The following PHLPP1 variants were observed in gnomAD, a reference collection of about 807,000 sequenced individuals.
PHLPP1 encodes PH domain leucine-rich repeat-containing protein phosphatase 1.
Under a neutral mutation model 117.2 loss-of-function variants are expected in PHLPP1, and 42 were observed. That is an observed-to-expected ratio of 0.36 (90% CI 0.28 to 0.46). The LOEUF is 0.46. Ranked by LOEUF, PHLPP1 falls within the 20% of genes least tolerant of loss-of-function variation. The pLI is 1.00. For synonymous variants in PHLPP1, 1,042 were observed against 970.7 expected (o/e 1.07, Z -1.37); for missense variants, 2,084 against 2,241.9 (o/e 0.93, Z 1.42).
In PHLPP1 at chr18:62,907,468, G is replaced by A. The variant is rs1599114372; in HGVS notation, c.2708+2184G>A. ...ATACAGAGAAGTGCTTAAAGGAGCT[G>A]ATGGAGCTGAAAACCAAGGCTCGAG... On this transcript the variant is annotated intron_variant, in intron 8 of 16. Coordinates refer to ENST00000262719, the MANE Select transcript of PHLPP1 (RefSeq NM_194449.4). 5.3e-5 allele frequency among the ~76,000 whole-genome samples: 4 copies of A among 76,098 alleles called. No individual in the cohort carries two copies. The East Asian group carries it at 1.4e-3, about 27-fold the overall frequency. The allele number at this position is 76,098 out of a possible 152,430, so 49.9% of individuals were successfully genotyped here.
In PHLPP1 at chr18:62,964,409, A is replaced by T. The variant is rs558896909; in HGVS notation, c.3560+937A>T. Among the ~76,000 whole-genome samples the T allele has an allele frequency of 1.3e-4, 20 of 152,300 alleles. 1 individual carries two copies. In the East Asian group the frequency reaches 2.1e-3, roughly 16 times the overall value. ...GACTAGCTGAATACTCTTCATAGAA[A>T]ATAAAAGGTTTGGAATTGTTGCTGC... On this transcript the variant is annotated intron_variant, in intron 14 of 16. Transcript: ENST00000262719.
At chr18:62,851,851 ATGT>A (rs1196342153) in intron 3 of PHLPP1, among the ~76,000 whole-genome samples, 1 of 151,882 alleles carries the variant, frequency 6.6e-6, no homozygotes, top group Admixed American at 6.6e-5. Context: ...ATCATTTTAA[ATGT>A]TGTATAATTT....
chr18:62,972,373 G>T, intron 14 of PHLPP1, 141 bp from the exon 15 acceptor site: 1 of 646,440 alleles, frequency 1.5e-6, no homozygotes, highest in East Asian at 3.0e-5. Context: ...ATTAGCTGGA[G>T]TCAGTTTACC....
At chr18:62,933,670 C>T (rs1211416148) in intron 10 of PHLPP1, among the ~76,000 whole-genome samples, 1 of 152,062 alleles carries the variant, frequency 6.6e-6, no homozygotes, top group Non-Finnish European at 1.5e-5. Context: ...AGAAGAAAAA[C>T]TCTTCTGGAC....
At chr18:62,882,946 T>TAAAAAAAAA (rs35265223) in intron 4 of PHLPP1, among the ~76,000 whole-genome samples, 1 of 121,510 alleles carries the variant, frequency 8.2e-6, no homozygotes. Context: ...GACCACATCT[T>TAAAAAAAAA]AAAAAAAAAA....
chr18:62,724,125 A>G (rs2122049825), intron 1 of PHLPP1, among the ~76,000 whole-genome samples: 1 of 151,722 alleles, frequency 6.6e-6, no homozygotes, highest in South Asian at 2.1e-4. Context: ...ACAAGAATCG[A>G]TGTTTGATTA....
intron 1 of PHLPP1, among the ~76,000 whole-genome samples, chr18:62,826,585 A>G (rs1914618712): frequency 6.6e-6 from 1 of 152,216 alleles, no homozygotes; most frequent in African/African-American, 2.4e-5. Context: ...TCTAGCATCT[A>G]GCATAGTGGC....
At chr18:62,862,459 A>C (rs1422106829) in intron 4 of PHLPP1, among the ~76,000 whole-genome samples, 1 of 152,216 alleles carries the variant, frequency 6.6e-6, no homozygotes, top group Non-Finnish European at 1.5e-5. Flanking sequence ...CGAGTTTTCC[A>C]AAATTTTAAT....
intron 1 of PHLPP1, among the ~76,000 whole-genome samples, chr18:62,789,516 A>C (rs1015008574): frequency 4.6e-5 from 7 of 152,096 alleles, no homozygotes; most frequent in South Asian, 2.1e-4. Context: ...TTGTTTGCAG[A>C]GGTGAAATAC....
chr18:62,780,057 A>G (rs1913074746), intron 1 of PHLPP1, among the ~76,000 whole-genome samples: 1 of 152,192 alleles, frequency 6.6e-6, no homozygotes, highest in Admixed American at 6.5e-5. Context: ...GTGTATAATT[A>G]TGTAATTCTG....
At chr18:62,848,751 A>C (rs1279415421) in intron 3 of PHLPP1, among the ~76,000 whole-genome samples, 1 of 152,166 alleles carries the variant, frequency 6.6e-6, no homozygotes, top group Non-Finnish European at 1.5e-5. Flanking sequence ...GGCACAAGCT[A>C]CTGCGCCCAG....
At chr18:62,721,081 A>G (rs929452889) in intron 1 of PHLPP1, among the ~76,000 whole-genome samples, 5 of 152,174 alleles carry the variant, frequency 3.3e-5, no homozygotes, top group African/African-American at 1.2e-4. Context: ...CCTTGGTTAA[A>G]AGCATTCCAA....
In PHLPP1 at chr18:62,782,866, G is replaced by A. The variant is rs181914632; in HGVS notation, c.1577-47169G>A. On this transcript the variant is annotated intron_variant, in intron 1 of 16. Coordinates refer to ENST00000262719, the MANE Select transcript of PHLPP1 (RefSeq NM_194449.4). The stretch of plus-strand genomic sequence containing the variant: ...ACAGATTAAGATCAGATGTTTTCGG[G>A]GCAAAGCGCTATTTGTTTTTTGACT... Among the ~76,000 whole-genome samples, 372 of 152,094 alleles carry A rather than the reference G, an allele frequency of 2.4e-3. 3 individuals are homozygous for A. Among genetic ancestry groups the A allele is most frequent in the African/African-American group, 8.7e-3 (363 of 41,492 alleles).
At chr18:62,737,038 G>A (rs1435376248) in intron 1 of PHLPP1, among the ~76,000 whole-genome samples, 3 of 152,090 alleles carry the variant, frequency 2.0e-5, no homozygotes, top group East Asian at 3.8e-4. Flanking sequence ...GGGAGGTGAC[G>A]TTTACATAAA....
At chr18:62,918,304 C>G (rs191738190) in intron 9 of PHLPP1, among the ~76,000 whole-genome samples, 1 of 151,234 alleles carries the variant, frequency 6.6e-6, no homozygotes, top group Non-Finnish European at 1.5e-5. Flanking sequence ...TAGACAGTAC[C>G]CAAAAGAATT....
intron 4 of PHLPP1, among the ~76,000 whole-genome samples, chr18:62,882,238 G>A (rs1453274543): frequency 6.6e-6 from 1 of 151,930 alleles, no homozygotes; most frequent in Non-Finnish European, 1.5e-5. Flanking sequence ...TTGCTTACTG[G>A]GGGTCTGTGT....
chr18:62,960,717 A>T (rs556945612), intron 13 of PHLPP1, among the ~76,000 whole-genome samples: 2 of 152,298 alleles, frequency 1.3e-5, no homozygotes, highest in South Asian at 4.1e-4. Context: ...AAGGAGTATA[A>T]TTTGGTATTA....
intron 1 of PHLPP1, among the ~76,000 whole-genome samples, chr18:62,763,278 C>T (rs1912319776): frequency 6.6e-6 from 1 of 152,188 alleles, no homozygotes; most frequent in East Asian, 1.9e-4. Flanking sequence ...ACTCTGCATG[C>T]TTCTGAAATA....
intron 2 of PHLPP1, among the ~76,000 whole-genome samples, chr18:62,835,777 T>A (rs924622956): frequency 1.3e-4 from 10 of 75,272 alleles, no homozygotes; most frequent in African/African-American, 2.8e-4. Flanking sequence ...CAACTGGTTC[T>A]TTTTTTTTTT....
Sources: gnomAD v4.1 joint callset for allele counts (sites outside exome capture counted in the v4.1 genomes callset) on GRCh38, gnomAD v4.1.1 for gene constraint, MANE v1.5 for transcripts, NCBI Gene and HGNC (gene_info 2026-07-23, HGNC 2026-07-21) for gene names.